Variants in CSNK1G1 observed in about 807,000 individuals in gnomAD.
The protein encoded by CSNK1G1 is casein kinase 1 gamma 1, also known as casein kinase I isoform gamma-1.
In CSNK1G1, 22 loss-of-function variants were observed where a neutral mutation model predicts 59.6. The observed-to-expected ratio is 0.37, with a 90% CI of 0.26 to 0.53. CSNK1G1 has a LOEUF of 0.53. Among genes scored for constraint, CSNK1G1 ranks in the 20% least tolerant of loss-of-function variants. The pLI, the probability that CSNK1G1 is intolerant of heterozygous loss-of-function variation, is 0.89. For missense variants in CSNK1G1, 384 were observed against 519.5 expected (o/e 0.74, Z 2.54); for synonymous variants, 179 against 177.1 (o/e 1.01, Z -0.08).
Position 64,276,416 on chromosome 15 carries a change from A to T in CSNK1G1, c.182-17175T>A, listed in dbSNP as rs952574504. 4.6e-5 allele frequency among the ~76,000 whole-genome samples: 7 copies of T among 152,328 alleles called. No individual in the cohort carries two copies. In the East Asian group the frequency reaches 1.4e-3, roughly 29 times the overall value. ...ATTTCAGTAACTTTATTATTTTGAAACAAATCTCAGATGTTACATCATTTT... is the reference window on the plus strand; with the variant it reads ...ATTTCAGTAACTTTATTATTTTGAATCAAATCTCAGATGTTACATCATTTT... On this transcript the variant is annotated intron_variant, in intron 2 of 11. Transcript: ENST00000303052.
At chr15:64,322,177 G>A (rs932898176) in intron 1 of CSNK1G1, among the ~76,000 whole-genome samples, 3 of 151,756 alleles carry the variant, frequency 2.0e-5, no homozygotes, top group African/African-American at 2.4e-5. Context: ...AAGTCTTATT[G>A]TAACTTGAAT....
At chr15:64,324,019 A>C (rs1772039011) in intron 1 of CSNK1G1, among the ~76,000 whole-genome samples, 1 of 152,228 alleles carries the variant, frequency 6.6e-6, no homozygotes, top group South Asian at 2.1e-4. Context: ...TAATACTGTT[A>C]CTATAATTCT....
chr15:64,232,494 A>T (rs1303685252), intron 4 of CSNK1G1, among the ~76,000 whole-genome samples: 1 of 152,210 alleles, frequency 6.6e-6, no homozygotes, highest in East Asian at 1.9e-4. Context: ...GTAGATACAT[A>T]ATTCTGCCTT....
intron 2 of CSNK1G1, among the ~76,000 whole-genome samples, chr15:64,295,835 T>TA (rs540434277): frequency 1.3e-3 from 195 of 152,342 alleles, no homozygotes; most frequent in African/African-American, 4.5e-3. Flanking sequence ...GCCTACAGGA[T>TA]AAAGTCCAAA....
At chr15:64,338,424 G>A (rs575196129) in intron 1 of CSNK1G1, among the ~76,000 whole-genome samples, 34 of 152,230 alleles carry the variant, frequency 2.2e-4, no homozygotes, top group Middle Eastern at 3.4e-3. Flanking sequence ...CTTGAGCCCG[G>A]CGCGGTGGCT....
chr15:64,307,293 C>T (rs1895730766), intron 1 of CSNK1G1, among the ~76,000 whole-genome samples: 1 of 152,018 alleles, frequency 6.6e-6, no homozygotes, highest in African/African-American at 2.4e-5. Context: ...TCTCTGTAAA[C>T]CTAAAACTGT....
At chr15:64,256,180 A>G (rs1305387713) in intron 3 of CSNK1G1, among the ~76,000 whole-genome samples, 1 of 152,210 alleles carries the variant, frequency 6.6e-6, no homozygotes, top group Non-Finnish European at 1.5e-5. Context: ...ACAAATCAAC[A>G]TGGAACTAGA....
intron 4 of CSNK1G1, among the ~76,000 whole-genome samples, chr15:64,226,616 CTCAGT>C (rs1487996901): frequency 1.3e-5 from 2 of 151,646 alleles, no homozygotes; most frequent in Admixed American, 1.3e-4. Flanking sequence ...CTCAGCTCAG[CTCAGT>C]TACTAACAGA....
chr15:64,289,662 T>C (rs1314389552), intron 2 of CSNK1G1, among the ~76,000 whole-genome samples: 2 of 151,930 alleles, frequency 1.3e-5, no homozygotes, highest in East Asian at 3.9e-4. Context: ...TGGGAGAAAA[T>C]ATTTGCAAAC....
intron 1 of CSNK1G1, among the ~76,000 whole-genome samples, chr15:64,311,003 CAAAA>C (rs138869466): frequency 3.2e-5 from 4 of 125,514 alleles, no homozygotes; most frequent in Non-Finnish European, 3.4e-5. Context: ...GACTCCATCT[CAAAA>C]AAAAAAAAAA....
At chr15:64,346,221 AT>A (rs1201006636) in intron 1 of CSNK1G1, among the ~76,000 whole-genome samples, 4 of 151,118 alleles carry the variant, frequency 2.6e-5, no homozygotes, top group South Asian at 2.1e-4. Context: ...ATCTCTGTTT[AT>A]TTTTTTTAAT....
chr15:64,312,462 C>A (rs1433539154), intron 1 of CSNK1G1, among the ~76,000 whole-genome samples: 1 of 152,168 alleles, frequency 6.6e-6, no homozygotes, highest in Admixed American at 6.5e-5. Context: ...ACATCTACAA[C>A]CATCTGATCT....
intron 2 of CSNK1G1, among the ~76,000 whole-genome samples, chr15:64,273,411 T>A (rs1018853405): frequency 2.6e-5 from 4 of 152,204 alleles, no homozygotes; most frequent in African/African-American, 9.6e-5. Context: ...AATAACTATT[T>A]CACAGAGCTT....
At chr15:64,333,714 T>G (rs1404709554) in intron 1 of CSNK1G1, among the ~76,000 whole-genome samples, 1 of 152,130 alleles carries the variant, frequency 6.6e-6, no homozygotes, top group African/African-American at 2.4e-5. Flanking sequence ...ACCTAAGGAT[T>G]CCTACATGCA....
At chr15:64,304,322 G>T (rs1024434637) in intron 1 of CSNK1G1, among the ~76,000 whole-genome samples, 3 of 150,116 alleles carry the variant, frequency 2.0e-5, no homozygotes, top group Admixed American at 6.7e-5. Context: ...GGCGGAGGGG[G>T]CAGTGGGCTG....
At chr15:64,286,341 T>TTAACAATATTGTTAACATGTTATTGA in intron 2 of CSNK1G1, among the ~76,000 whole-genome samples, 1 of 151,478 alleles carries the variant, frequency 6.6e-6, no homozygotes, top group South Asian at 2.1e-4. Flanking sequence ...CATGTTATTG[T>TTAACAATATTGTTAACATGTTATTGA]TAACAATATT....
intron 1 of CSNK1G1, among the ~76,000 whole-genome samples, chr15:64,339,775 C>G (rs78175978): frequency 0.015 from 2,318 of 152,294 alleles, 53 homozygotes; most frequent in African/African-American, 0.046. Context: ...TGCACAAGGC[C>G]TTAAATACGA....
rs188794265 is a variant in CSNK1G1 at position 64,354,549 on chromosome 15, C to G, written c.-225+1439G>C. On this transcript the variant is annotated intron_variant, in intron 1 of 11. Coordinates refer to ENST00000303052, the MANE Select transcript of CSNK1G1 (RefSeq NM_022048.5). ...TTGAATTTTAAGAAACTACTGATAA[C>G]TGAATTTCATGCTACCTACGATCAA... Among the ~76,000 whole-genome samples the G allele has an allele frequency of 2.5e-3, 385 of 152,226 alleles. 3 individuals are homozygous for G. Among genetic ancestry groups the G allele is most frequent in the Non-Finnish European group, 3.3e-3 (222 of 68,020 alleles).
At chr15:64,208,130 T>C (rs1302717027) in intron 6 of CSNK1G1, among the ~76,000 whole-genome samples, 4 of 152,208 alleles carry the variant, frequency 2.6e-5, no homozygotes, top group African/African-American at 9.6e-5. Context: ...CATCAGTACA[T>C]ACTCTCTTGG....
Sources: allele counts gnomAD v4.1 joint callset (sites outside exome capture counted in the v4.1 genomes callset), GRCh38; gene constraint gnomAD v4.1.1; transcripts MANE v1.5; gene names NCBI Gene and HGNC (gene_info 2026-07-23, HGNC 2026-07-21).